The following CPNE8 variants were observed in gnomAD, a reference collection of about 807,000 sequenced individuals.
CPNE8 encodes copine-8.
In CPNE8, 45 loss-of-function variants were observed where a neutral mutation model predicts 81.5. The ratio of observed to expected loss-of-function variants is 0.55; its 90% CI spans 0.44 to 0.71. The LOEUF is 0.71. Among genes scored for constraint, CPNE8 ranks in the 30% least tolerant of loss-of-function variants. The pLI is 0.00. For missense variants in CPNE8, 594 were observed against 672.1 expected, an observed-to-expected ratio of 0.88 and a Z score of 1.28; for synonymous variants, 252 against 226.3, an observed-to-expected ratio of 1.11 and a Z score of -1.02.
At chr12:38,729,231 A>T (rs1940776311) in intron 11 of CPNE8, among the ~76,000 whole-genome samples, 2 of 152,086 alleles carry the variant, frequency 1.3e-5, no homozygotes. Context: ...AACCTGTCTT[A>T]TATGATTTAT....
At chr12:38,874,444 T>C in intron 2 of CPNE8, 27 bp downstream of exon 2, 1 of 1,567,032 alleles carries the variant, frequency 6.4e-7, no homozygotes, top group Non-Finnish European at 8.8e-7. Flanking sequence ...CAAATGATTT[T>C]TCAAAAGGCA....
chr12:38,845,467 G>T (rs1433675466), intron 4 of CPNE8, among the ~76,000 whole-genome samples: 3 of 152,088 alleles, frequency 2.0e-5, no homozygotes, highest in Non-Finnish European at 4.4e-5. Flanking sequence ...TCTCTGGGTA[G>T]TAGAGGTTGG....
intron 1 of CPNE8, among the ~76,000 whole-genome samples, chr12:38,885,755 T>C (rs1423440496): frequency 1.3e-5 from 2 of 152,260 alleles, no homozygotes; most frequent in African/African-American, 2.4e-5. Context: ...TCCTCAATGT[T>C]GGAGGAGGGG....
intron 16 of CPNE8, among the ~76,000 whole-genome samples, chr12:38,680,595 T>C (rs1371189056): frequency 6.6e-6 from 1 of 151,988 alleles, no homozygotes; most frequent in African/African-American, 2.4e-5. Flanking sequence ...GAATTTTAGC[T>C]CTACCACAAA....
chr12:38,722,918 A>G (rs766577731), intron 13 of CPNE8, among the ~76,000 whole-genome samples: 30 of 152,004 alleles, frequency 2.0e-4, no homozygotes, highest in Non-Finnish European at 4.0e-4. Flanking sequence ...TGATGGTTTT[A>G]CAAGTGTTTG....
chr12:38,706,315 A>G (rs1940104779), intron 13 of CPNE8, among the ~76,000 whole-genome samples: 1 of 152,050 alleles, frequency 6.6e-6, no homozygotes, highest in Admixed American at 6.5e-5. Context: ...AACAAACCCA[A>G]ATTTGATCTG....
At chr12:38,664,076 C>T (rs1209228380) in intron 19 of CPNE8, among the ~76,000 whole-genome samples, 7 of 151,792 alleles carry the variant, frequency 4.6e-5, no homozygotes, top group Non-Finnish European at 7.4e-5. Context: ...GTAGGGTTAC[C>T]GTAGTTAATG....
intron 10 of CPNE8, among the ~76,000 whole-genome samples, chr12:38,745,013 C>A (rs1011650866): frequency 6.6e-6 from 1 of 152,162 alleles, no homozygotes; most frequent in Admixed American, 6.5e-5. Flanking sequence ...TTTGGCCATG[C>A]CAAAATGTGC....
chr12:38,883,959 T>TAG (rs1244668777), intron 1 of CPNE8, among the ~76,000 whole-genome samples: 2 of 152,218 alleles, frequency 1.3e-5, no homozygotes, highest in African/African-American at 4.8e-5. Context: ...TAAAGGTCAC[T>TAG]AGGCATGTAT....
rs143826707 is a variant in CPNE8, at chr12:38,796,957, A to C, written c.408-20656T>G. ...TCTCGCTGATTGCTAGCACAGCAGT[A>C]TGAGATCAAACTGCAAGGCGGCAGC... is the stretch of plus-strand genomic sequence containing the variant. On this transcript the variant is annotated intron_variant, in intron 6 of 19. Coordinates refer to ENST00000331366, the MANE Select transcript of CPNE8 (RefSeq NM_153634.3). Among the ~76,000 whole-genome samples the C allele has an allele frequency of 1.1e-3, 173 of 152,256 alleles. 1 individual carries two copies. The highest frequency in any genetic ancestry group is 3.8e-3 in the African/African-American group (159 of 41,552).
intron 5 of CPNE8, among the ~76,000 whole-genome samples, chr12:38,833,652 G>A (rs1384645619): frequency 6.6e-6 from 1 of 151,662 alleles, no homozygotes; most frequent in Non-Finnish European, 1.5e-5. Flanking sequence ...CTAATTTTTT[G>A]TATTTTTAGT....
intron 6 of CPNE8, among the ~76,000 whole-genome samples, chr12:38,799,797 C>A (rs28840811): frequency 7.6e-6 from 1 of 131,650 alleles, no homozygotes; most frequent in Non-Finnish European, 1.8e-5. Flanking sequence ...CCAGTGTGTG[C>A]GCGCACCGTG....
intron 1 of CPNE8, among the ~76,000 whole-genome samples, chr12:38,889,972 C>T (rs1479940495): frequency 6.6e-6 from 1 of 152,170 alleles, no homozygotes; most frequent in African/African-American, 2.4e-5. Context: ...ACCTCTGAAG[C>T]AATTTTGATG....
chr12:38,791,775 G>C (rs1024117390), intron 6 of CPNE8, among the ~76,000 whole-genome samples: 16 of 151,514 alleles, frequency 1.1e-4, no homozygotes, highest in Non-Finnish European at 3.0e-5. Context: ...CAATAACAAT[G>C]AATATACATT....
chr12:38,825,116 G>A (rs908759155), intron 6 of CPNE8, among the ~76,000 whole-genome samples: 4 of 152,062 alleles, frequency 2.6e-5, no homozygotes, highest in South Asian at 4.1e-4. Flanking sequence ...TGAATTTCTC[G>A]GCTATTTCGG....
At chr12:38,796,830 G>A (rs145538978) in intron 6 of CPNE8, among the ~76,000 whole-genome samples, 5,283 of 152,178 alleles carry the variant, frequency 0.035, 330 homozygotes, top group African/African-American at 0.12. Flanking sequence ...GGAAAATCGG[G>A]TCACTCCCAC....
At chr12:38,852,998 C>T (rs1037890094) in intron 3 of CPNE8, among the ~76,000 whole-genome samples, 2 of 152,050 alleles carry the variant, frequency 1.3e-5, no homozygotes, top group Non-Finnish European at 2.9e-5. Context: ...AAACAAAAAA[C>T]TTTCAGGCAG....
chr12:38,704,826 G>GTATATATATGTATATATATATATATATA (rs58878926), intron 13 of CPNE8, among the ~76,000 whole-genome samples: 3 of 50,196 alleles, frequency 6.0e-5, no homozygotes, highest in South Asian at 1.6e-3. Flanking sequence ...GTATGTATGT[G>GTATATATATGTATATATATATATATATA]TATATATATA....
chr12:38,830,366 C>T (rs1943265534), intron 5 of CPNE8, among the ~76,000 whole-genome samples: 1 of 151,792 alleles, frequency 6.6e-6, no homozygotes, highest in African/African-American at 2.4e-5. Flanking sequence ...AATAGCAGAG[C>T]CAAGACAAAC....
Sources: gnomAD v4.1 joint callset for allele counts (sites outside exome capture counted in the v4.1 genomes callset) on GRCh38, gnomAD v4.1.1 for gene constraint, MANE v1.5 for transcripts, NCBI Gene and HGNC (gene_info 2026-07-23, HGNC 2026-07-21) for gene names.